The following ZBTB7C variants were observed in gnomAD, a reference collection of about 807,000 sequenced individuals.
ZBTB7C encodes the protein zinc finger and BTB domain containing 7C, also known as zinc finger and BTB domain-containing protein 7C.
A neutral mutation model predicts 25.7 loss-of-function variants in ZBTB7C; 8 were observed. The ratio of observed to expected loss-of-function variants is 0.31; its 90% CI spans 0.18 to 0.56. The LOEUF (loss-of-function observed/expected upper bound fraction) is 0.56. ZBTB7C is among the 20% of genes least tolerant of loss of function. The pLI is 0.91. For synonymous variants in ZBTB7C, 394 were observed against 369.0 expected, an observed-to-expected ratio of 1.07 and a Z score of -0.78; for missense variants, 824 against 855.2, an observed-to-expected ratio of 0.96 and a Z score of 0.46.
intron 3 of ZBTB7C, among the ~76,000 whole-genome samples, chr18:48,176,491 T>C (rs1447989678): frequency 6.6e-6 from 1 of 152,138 alleles, no homozygotes; most frequent in Non-Finnish European, 1.5e-5. Flanking sequence ...GATTAAAGTG[T>C]TGTATAAATG....
chr18:48,226,303 G>A (rs1237752727), intron 2 of ZBTB7C, among the ~76,000 whole-genome samples: 4 of 152,202 alleles, frequency 2.6e-5, no homozygotes, highest in African/African-American at 9.6e-5. Context: ...CCTCTAAGCT[G>A]TCTCATGCTG....
At chr18:48,174,015 T>A (rs1166411522) in intron 3 of ZBTB7C, among the ~76,000 whole-genome samples, 5 of 152,262 alleles carry the variant, frequency 3.3e-5, no homozygotes, top group Non-Finnish European at 7.3e-5. Flanking sequence ...AGAATCTATA[T>A]GAAAATTATG....
chr18:48,396,337 T>C (rs1409387770), intron 1 of ZBTB7C, among the ~76,000 whole-genome samples: 1 of 152,190 alleles, frequency 6.6e-6, no homozygotes, highest in African/African-American at 2.4e-5. Flanking sequence ...CAGAGCTACA[T>C]GAGAAATCAG....
chr18:48,276,275 T>TC (rs557566326), intron 2 of ZBTB7C, among the ~76,000 whole-genome samples: 4 of 97,150 alleles, frequency 4.1e-5, no homozygotes, highest in South Asian at 3.0e-4. Flanking sequence ...GCTTTCTCTC[T>TC]TTTTTTTTTT....
chr18:48,384,709 T>C (rs2047707380), intron 1 of ZBTB7C, among the ~76,000 whole-genome samples: 1 of 152,128 alleles, frequency 6.6e-6, no homozygotes, highest in Non-Finnish European at 1.5e-5. Flanking sequence ...TGAGATTGAG[T>C]CTCGCTCTGT....
intron 1 of ZBTB7C, among the ~76,000 whole-genome samples, chr18:48,401,363 T>C (rs952010620): frequency 6.6e-6 from 1 of 152,126 alleles, no homozygotes; most frequent in African/African-American, 2.4e-5. Flanking sequence ...CTATTTTAAG[T>C]GCCTGTATGT....
At chr18:48,331,353 G>A (rs1472457470) in intron 2 of ZBTB7C, among the ~76,000 whole-genome samples, 1 of 152,116 alleles carries the variant, frequency 6.6e-6, no homozygotes, top group Non-Finnish European at 1.5e-5. Context: ...TGAGGTAGGT[G>A]GCAAGTGATA....
At chr18:48,085,267 G>A (rs1046249070) in intron 3 of ZBTB7C, among the ~76,000 whole-genome samples, 7 of 152,142 alleles carry the variant, frequency 4.6e-5, no homozygotes, top group Non-Finnish European at 1.0e-4. Flanking sequence ...CTGGGGAGAG[G>A]AGGGTGAGCA....
chr18:48,254,500 T>G (rs2043966885), intron 2 of ZBTB7C, among the ~76,000 whole-genome samples: 1 of 152,226 alleles, frequency 6.6e-6, no homozygotes, highest in Non-Finnish European at 1.5e-5. Context: ...TAAAATCTGC[T>G]GCAGTCCGCC....
At chr18:48,051,937 G>A (rs574007370) in intron 3 of ZBTB7C, among the ~76,000 whole-genome samples, 2 of 152,262 alleles carry the variant, frequency 1.3e-5, no homozygotes, top group East Asian at 1.9e-4. Context: ...GCAGTGGGGG[G>A]AGACTTGTTT....
At chr18:48,199,570 C>T (rs988516047) in intron 2 of ZBTB7C, among the ~76,000 whole-genome samples, 13 of 152,096 alleles carry the variant, frequency 8.5e-5, no homozygotes, top group Non-Finnish European at 1.9e-4. Context: ...TTCTTCCACT[C>T]CTGGGCTTGG....
intron 2 of ZBTB7C, among the ~76,000 whole-genome samples, chr18:48,234,031 A>G (rs2043317521): frequency 6.6e-6 from 1 of 152,072 alleles, no homozygotes; most frequent in African/African-American, 2.4e-5. Flanking sequence ...ATCAACCTCC[A>G]GCGCCACTGA....
chr18:48,397,780 G>A (rs571992898), intron 1 of ZBTB7C, among the ~76,000 whole-genome samples: 1 of 152,240 alleles, frequency 6.6e-6, no homozygotes, highest in South Asian at 2.1e-4. Context: ...GCTTATATAT[G>A]TCTTGCATAT....
At chr18:48,240,872 G>A (rs2043504557) in intron 2 of ZBTB7C, among the ~76,000 whole-genome samples, 1 of 152,122 alleles carries the variant, frequency 6.6e-6, no homozygotes, top group Admixed American at 6.5e-5. Context: ...GAATGTAAAT[G>A]GTCTAAATGC....
At chr18:48,408,078 A>T (rs1048903139) in intron 1 of ZBTB7C, among the ~76,000 whole-genome samples, 4 of 152,058 alleles carry the variant, frequency 2.6e-5, no homozygotes, top group African/African-American at 9.7e-5. Context: ...AAGCACCAGA[A>T]ACTCCGGCTC....
chr18:48,041,604 C>G, intron 3 of ZBTB7C: 1 of 959,774 alleles, frequency 1.0e-6, no homozygotes, highest in Non-Finnish European at 1.2e-6. Context: ...ACACTTTGCA[C>G]TGGCTACTAG....
At chr18:48,135,370 TAA>T (rs150761965) in intron 3 of ZBTB7C, among the ~76,000 whole-genome samples, 1 of 152,194 alleles carries the variant, frequency 6.6e-6, no homozygotes, top group Admixed American at 6.5e-5. Context: ...TCTCTGCAGT[TAA>T]AGTGTAAGAT....
At chr18:48,100,585 A>AT (rs572372464) in intron 3 of ZBTB7C, among the ~76,000 whole-genome samples, 178 of 152,260 alleles carry the variant, frequency 1.2e-3, no homozygotes, top group Non-Finnish European at 2.1e-3. Flanking sequence ...ATCATTTATG[A>AT]TTTTTTTAGC....
intron 1 of ZBTB7C, among the ~76,000 whole-genome samples, chr18:48,381,753 T>A (rs763300363): frequency 3.9e-5 from 6 of 152,262 alleles, no homozygotes; most frequent in Non-Finnish European, 8.8e-5. Flanking sequence ...AGGAGTCAGC[T>A]GTGGCTGCTC....
Sources: gnomAD v4.1 joint callset for allele counts (sites outside exome capture counted in the v4.1 genomes callset) on GRCh38, gnomAD v4.1.1 for gene constraint, MANE v1.5 for transcripts, NCBI Gene and HGNC (gene_info 2026-07-23, HGNC 2026-07-21) for gene names.